ESRP1: variants seen among roughly 807,000 people sequenced by gnomAD.
ESRP1 encodes RNA-binding motif protein 35A.
ESRP1 carries 33 observed loss-of-function variants against 81.7 expected under a neutral mutation model. That is an observed-to-expected ratio of 0.40 (90% CI 0.31 to 0.54). The LOEUF (loss-of-function observed/expected upper bound fraction) is 0.54, where lower values mean the gene tolerates loss of function less well. Ranked by LOEUF, ESRP1 falls within the 20% of genes least tolerant of loss-of-function variation. The pLI is 0.41. For missense variants in ESRP1, 672 were observed against 833.1 expected, an observed-to-expected ratio of 0.81 and a Z score of 2.38; for synonymous variants, 320 against 303.3, an observed-to-expected ratio of 1.06 and a Z score of -0.57.
At chr8:94,668,950 A>C (rs142670853) in intron 10 of ESRP1, among the ~76,000 whole-genome samples, 1 of 151,826 alleles carries the variant, frequency 6.6e-6, no homozygotes, top group Non-Finnish European at 1.5e-5. Flanking sequence ...CTGCCACCAC[A>C]CCCAGCTAAG....
chr8:94,651,025 GT>G (rs769034387), intron 4 of ESRP1, among the ~76,000 whole-genome samples: 4 of 152,006 alleles, frequency 2.6e-5, no homozygotes, highest in Non-Finnish European at 5.9e-5. Flanking sequence ...ATTTATTTTG[GT>G]AAGTACCAAG....
intron 15 of ESRP1, among the ~76,000 whole-genome samples, chr8:94,704,858 T>A (rs1395090573): frequency 6.7e-6 from 1 of 150,000 alleles, no homozygotes; most frequent in Admixed American, 6.7e-5. Flanking sequence ...AGCTAGACCC[T>A]GTTTCAAAAC....
chr8:94,646,247 A>T lies in ESRP1; in HGVS notation c.455A>T (p.Asp152Val). The change falls in exon 4 of 16, where the codon GAT (aspartate) becomes GTT (valine). Residue 152 changes from aspartate (D) to valine (V), a missense_variant. Asp to Val is a radical substitution (Grantham distance 152). Coordinates refer to ENST00000433389, the MANE Select transcript of ESRP1 (RefSeq NM_017697.4). ...AAGAAATGTTGCCCTGGTTCACCTGATATTGACAAACTGGACGTTGCCACA... is the reference window on the plus strand; with the variant it reads ...AAGAAATGTTGCCCTGGTTCACCTGTTATTGACAAACTGGACGTTGCCACA... ...EFKKCCPGSP[D>V]IDKLDVATMT... The T allele has an allele frequency of 6.2e-7, 1 of 1,612,454 alleles. No individual in the cohort carries two copies. Among genetic ancestry groups the T allele is most frequent in the East Asian group, 2.2e-5 (1 of 44,794 alleles).
intron 9 of ESRP1, 32 bp from the exon 10 acceptor site, chr8:94,667,917 T>G: frequency 6.6e-7 from 1 of 1,519,158 alleles, no homozygotes; most frequent in Non-Finnish European, 8.8e-7. Context: ...TAACTATTTC[T>G]CTCCCTGCTT....
chr8:94,655,063 TTTTG>T (rs1299243309), intron 4 of ESRP1, among the ~76,000 whole-genome samples: 8 of 127,466 alleles, frequency 6.3e-5, no homozygotes, highest in Non-Finnish European at 8.7e-5. Context: ...TTTTTGGGTT[TTTTG>T]TGTGTGTGTG....
At chr8:94,690,533 C>G (rs768553557) in intron 13 of ESRP1, among the ~76,000 whole-genome samples, 3 of 151,958 alleles carry the variant, frequency 2.0e-5, no homozygotes, top group Admixed American at 6.6e-5. Flanking sequence ...AGCAGGTAAT[C>G]ATAGCTGTGA....
chr8:94,680,083 G>A (rs191050331), intron 13 of ESRP1, among the ~76,000 whole-genome samples: 12 of 151,688 alleles, frequency 7.9e-5, no homozygotes, highest in Admixed American at 3.3e-4. Flanking sequence ...GGATTTTGCC[G>A]TTTTGCCTAG....
chr8:94,705,406 G>C (rs979998403), intron 15 of ESRP1, among the ~76,000 whole-genome samples: 3 of 152,098 alleles, frequency 2.0e-5, no homozygotes. Flanking sequence ...GACTTCATGT[G>C]ATCTGCCTGC....
At chr8:94,703,038 T>C (rs1204835537) in intron 15 of ESRP1, among the ~76,000 whole-genome samples, 3 of 152,014 alleles carry the variant, frequency 2.0e-5, no homozygotes, top group African/African-American at 7.2e-5. Context: ...ATGTCTGCAG[T>C]TGTAATTCTC....
intron 9 of ESRP1, among the ~76,000 whole-genome samples, chr8:94,667,354 T>C (rs1474538240): frequency 1.3e-5 from 2 of 151,970 alleles, no homozygotes; most frequent in African/African-American, 2.4e-5. Context: ...TTGGGCAGAA[T>C]GTTGATCAAT....
At chr8:94,692,431 C>T (rs867225537) in intron 13 of ESRP1, among the ~76,000 whole-genome samples, 1 of 152,112 alleles carries the variant, frequency 6.6e-6, no homozygotes, top group Non-Finnish European at 1.5e-5. Context: ...TCTTAAGAAT[C>T]TCAGGGATGT....
intron 12 of ESRP1, among the ~76,000 whole-genome samples, chr8:94,677,173 T>G (rs1808680243): frequency 6.6e-6 from 1 of 152,188 alleles, no homozygotes. Context: ...TAGCTTGCTG[T>G]CTTATTCATC....
At chr8:94,663,332 G>T (rs371933888) in intron 6 of ESRP1, among the ~76,000 whole-genome samples, 1 of 152,016 alleles carries the variant, frequency 6.6e-6, no homozygotes, top group Non-Finnish European at 1.5e-5. Flanking sequence ...TGCAACCTCC[G>T]CCTCCCGGGT....
chr8:94,668,080 G>A lies in ESRP1; in HGVS notation c.1063G>A (p.Gly355Arg). 1 of 1,614,022 alleles carries A rather than the reference G, an allele frequency of 6.2e-7. No individual in the cohort carries two copies. Among genetic ancestry groups the A allele is most frequent in the Non-Finnish European group, 8.5e-7 (1 of 1,179,890 alleles). ...TGGACAGCATTGCCCTATTACTGGG[G>A]GAAAGGAAGGCATCCTCTTTGTCAC... ...FFGQHCPITG[G>R]KEGILFVTYP... is the part of the protein sequence containing the mutation. Residue 355 changes from glycine to arginine, a missense_variant, in exon 10 of 16, where the codon GGA (glycine) becomes AGA (arginine). Physicochemically the swap from Gly to Arg is moderately radical, Grantham distance 125. Coordinates refer to ENST00000433389, the MANE Select transcript of ESRP1 (RefSeq NM_017697.4).
chr8:94,669,743 G>A (rs1349083527), intron 10 of ESRP1, among the ~76,000 whole-genome samples: 1 of 151,830 alleles, frequency 6.6e-6, no homozygotes, highest in Non-Finnish European at 1.5e-5. Flanking sequence ...GGCAGTGTGC[G>A]CCTTTAGTCC....
intron 15 of ESRP1, among the ~76,000 whole-genome samples, chr8:94,701,332 A>T (rs1809831358): frequency 6.6e-6 from 1 of 151,672 alleles, no homozygotes; most frequent in Non-Finnish European, 1.5e-5. Flanking sequence ...GGATCAGGTA[A>T]AGAAAGCTAA....
intron 1 of ESRP1, 167 bp downstream of exon 1, chr8:94,641,617 C>T: frequency 2.1e-6 from 2 of 962,120 alleles, no homozygotes; most frequent in Non-Finnish European, 3.1e-6. Context: ...AACTTATTGG[C>T]CAACTGCCTT....
intron 15 of ESRP1, among the ~76,000 whole-genome samples, chr8:94,704,785 A>AAAC (rs1809995990): frequency 6.9e-6 from 1 of 145,626 alleles, no homozygotes. Flanking sequence ...AAAAAAAAAA[A>AAAC]AAAAAAAACT....
intron 15 of ESRP1, among the ~76,000 whole-genome samples, chr8:94,702,781 C>A (rs1219009027): frequency 6.6e-6 from 1 of 152,112 alleles, no homozygotes; most frequent in Non-Finnish European, 1.5e-5. Context: ...CCACGCCCAG[C>A]CTTCAAGTGA....
Sources: gnomAD v4.1 joint callset for allele counts (sites outside exome capture counted in the v4.1 genomes callset) on GRCh38, gnomAD v4.1.1 for gene constraint, MANE v1.5 for transcripts, NCBI Gene and HGNC (gene_info 2026-07-23, HGNC 2026-07-21) for gene names.